TMEFF2: variants seen among roughly 807,000 people sequenced by gnomAD.
TMEFF2 encodes transmembrane protein with EGF like and two follistatin like domains 2.
Under a neutral mutation model 53.8 loss-of-function variants are expected in TMEFF2, and 28 were observed. That is an observed-to-expected ratio of 0.52 (90% CI 0.39 to 0.71). The LOEUF (loss-of-function observed/expected upper bound fraction) is 0.71, where lower values mean the gene tolerates loss of function less well. Among genes scored for constraint, TMEFF2 ranks in the 30% least tolerant of loss-of-function variants. The pLI, the probability that TMEFF2 is intolerant of heterozygous loss-of-function variation, is 0.00. For missense variants in TMEFF2, 353 were observed against 455.2 expected, an observed-to-expected ratio of 0.78 and a Z score of 2.04; for synonymous variants, 162 against 166.3, an observed-to-expected ratio of 0.97 and a Z score of 0.20.
chr2:192,179,333 C>T (rs187014810), intron 4 of TMEFF2: 5 of 258,938 alleles, frequency 1.9e-5, no homozygotes, highest in Admixed American at 5.4e-5. Context: ...ATGATTTCCT[C>T]ATGAATTCTT....
At chr2:191,972,389 C>G (rs548363013) in intron 7 of TMEFF2, among the ~76,000 whole-genome samples, 2 of 146,796 alleles carry the variant, frequency 1.4e-5, no homozygotes, top group African/African-American at 5.1e-5. Flanking sequence ...TCTTGAACTC[C>G]TGACCTCAGG....
chr2:192,125,726 T>A (rs1402106721), intron 4 of TMEFF2, among the ~76,000 whole-genome samples: 1 of 152,204 alleles, frequency 6.6e-6, no homozygotes, highest in African/African-American at 2.4e-5. Context: ...TGCGGGGACA[T>A]GGATGGAGCT....
At chr2:192,014,789 G>A (rs1287057331) in intron 5 of TMEFF2, among the ~76,000 whole-genome samples, 1 of 152,152 alleles carries the variant, frequency 6.6e-6, no homozygotes, top group Non-Finnish European at 1.5e-5. Flanking sequence ...ACTACTTTCT[G>A]TGGGTTCAAA....
chr2:192,159,099 T>C lies in TMEFF2; in HGVS notation c.439+20569A>G, dbSNP rs79401163. Among the ~76,000 whole-genome samples the C allele has an allele frequency of 4.6e-3, 703 of 152,264 alleles. 4 individuals carry two copies. Among genetic ancestry groups the C allele is most frequent in the African/African-American group, 0.016 (674 of 41,550 alleles). Reference sequence around the variant, plus strand: ...TAAAGATTATTTTGTAACCCCACAGTGCTAAAAGCATTGTAGATAAATAAT... The same window carrying C: ...TAAAGATTATTTTGTAACCCCACAGCGCTAAAAGCATTGTAGATAAATAAT... On this transcript the variant is annotated intron_variant, in intron 4 of 9. Coordinates refer to ENST00000272771, the MANE Select transcript of TMEFF2 (RefSeq NM_016192.4).
At chr2:192,157,482 T>G (rs891627956) in intron 4 of TMEFF2, among the ~76,000 whole-genome samples, 26 of 152,096 alleles carry the variant, frequency 1.7e-4, no homozygotes, top group African/African-American at 5.8e-4. Context: ...TCTTAATTAT[T>G]GTGACTAAAA....
chr2:192,112,120 A>G (rs186310264), intron 4 of TMEFF2, among the ~76,000 whole-genome samples: 27 of 152,300 alleles, frequency 1.8e-4, no homozygotes, highest in African/African-American at 6.5e-4. Flanking sequence ...GGCACTGCCT[A>G]GTGGAGCTGA....
In TMEFF2 at chr2:192,075,332, T is replaced by TATATATATATATATATATAC. The variant is rs796267672; in HGVS notation, c.440-17558_440-17557insGTATATATATATATATATAT. Among the ~76,000 whole-genome samples the TATATATATATATATATATAC allele has an allele frequency of 3.4e-4, 30 of 88,144 alleles. 2 individuals are homozygous for TATATATATATATATATATAC. The highest frequency in any genetic ancestry group is 1.1e-3 in the African/African-American group (27 of 24,412). 57.8% of individuals were successfully genotyped at this position (88,144 alleles called of 152,430 possible). A position where few individuals can be genotyped will look rare whatever the true frequency, so the allele number is the denominator to read the frequency against. On this transcript the variant is annotated intron_variant, in intron 4 of 9. Transcript: ENST00000272771. ...ATATATATATATATATATATATATA[T>TATATATATATATATATATAC]ACATACATACTATGTATATCCTTGC...
Position 192,191,947 on chromosome 2 carries a change from T to C in TMEFF2, c.215A>G (p.Asn72Ser). 6.2e-7 allele frequency: 1 copy of C among 1,613,640 alleles called. No homozygotes were observed. Among genetic ancestry groups the C allele is most frequent in the Non-Finnish European group, 8.5e-7 (1 of 1,179,674 alleles). Reference protein sequence around the residue: ...RENDLFLCDTNTCKFDGECLR... With the variant: ...RENDLFLCDTSTCKFDGECLR... ...ACATTCCCCATCAAATTTACAGGTG[T>C]TGGTGTCACAGAGGAAGAGATCATT... The change falls in exon 2 of 10, where the codon AAC becomes AGC. Residue 72 changes from asparagine to serine, a missense_variant. Transcript: ENST00000272771.
At chr2:192,082,758 A>C (rs74784125) in intron 4 of TMEFF2, among the ~76,000 whole-genome samples, 4 of 151,848 alleles carry the variant, frequency 2.6e-5, no homozygotes, top group Non-Finnish European at 5.9e-5. Context: ...ATTTTGGTGC[A>C]TTTCCCCAAA....
chr2:192,071,517 A>T (rs1459930651), intron 4 of TMEFF2, among the ~76,000 whole-genome samples: 1 of 151,822 alleles, frequency 6.6e-6, no homozygotes, highest in Non-Finnish European at 1.5e-5. Context: ...GCTCTCAAGT[A>T]CCCAGCTACC....
chr2:192,113,876 G>T (rs1689339480), intron 4 of TMEFF2, among the ~76,000 whole-genome samples: 1 of 152,022 alleles, frequency 6.6e-6, no homozygotes, highest in South Asian at 2.1e-4. Flanking sequence ...CCATTGCATT[G>T]ATGGCAACTG....
intron 4 of TMEFF2, among the ~76,000 whole-genome samples, chr2:192,133,974 T>C (rs1034880287): frequency 3.9e-5 from 6 of 152,198 alleles, no homozygotes; most frequent in Non-Finnish European, 8.8e-5. Flanking sequence ...GTCAGAATTC[T>C]TACACAAGAG....
At chr2:192,055,064 ACT>A (rs1274603915) in intron 5 of TMEFF2, among the ~76,000 whole-genome samples, 1 of 152,164 alleles carries the variant, frequency 6.6e-6, no homozygotes, top group South Asian at 2.1e-4. Flanking sequence ...AAAAAAAGAG[ACT>A]CATGTACATT....
chr2:192,006,240 G>A (rs1345353366), intron 5 of TMEFF2, among the ~76,000 whole-genome samples: 2 of 152,044 alleles, frequency 1.3e-5, no homozygotes, highest in African/African-American at 4.8e-5. Flanking sequence ...TCTTTATAAG[G>A]ATGCAAAACA....
At chr2:192,140,324 C>A (rs750107027) in intron 4 of TMEFF2, among the ~76,000 whole-genome samples, 1 of 152,122 alleles carries the variant, frequency 6.6e-6, no homozygotes, top group Non-Finnish European at 1.5e-5. Context: ...CCTTATGGTG[C>A]CTGGCAGATA....
chr2:192,129,135 C>T (rs1434978881), intron 4 of TMEFF2, among the ~76,000 whole-genome samples: 1 of 152,176 alleles, frequency 6.6e-6, no homozygotes, highest in Non-Finnish European at 1.5e-5. Flanking sequence ...TGTGTACCTA[C>T]ATGGCCCAAG....
intron 4 of TMEFF2, among the ~76,000 whole-genome samples, chr2:192,138,837 G>A (rs1265273300): frequency 6.6e-6 from 1 of 152,126 alleles, no homozygotes; most frequent in Non-Finnish European, 1.5e-5. Flanking sequence ...GTCAAGAAAA[G>A]GCTACTAAAG....
chr2:192,098,464 A>C (rs1688964507), intron 4 of TMEFF2, among the ~76,000 whole-genome samples: 1 of 152,136 alleles, frequency 6.6e-6, no homozygotes, highest in African/African-American at 2.4e-5. Context: ...GTGTTAAGGG[A>C]CTGTCTTTAA....
At chr2:191,986,879 A>T (rs1349977815) in intron 7 of TMEFF2, among the ~76,000 whole-genome samples, 1 of 150,276 alleles carries the variant, frequency 6.7e-6, no homozygotes, top group Non-Finnish European at 1.5e-5. Context: ...AAAAAAAAAA[A>T]GTGTGTTTGA....
Sources: gnomAD v4.1 joint callset for allele counts (sites outside exome capture counted in the v4.1 genomes callset) on GRCh38, gnomAD v4.1.1 for gene constraint, MANE v1.5 for transcripts, NCBI Gene and HGNC (gene_info 2026-07-23, HGNC 2026-07-21) for gene names.